SLC24A4: variants seen among roughly 807,000 people sequenced by gnomAD.
SLC24A4 encodes the protein sodium/potassium/calcium exchanger 4.
Under a neutral mutation model 79.0 loss-of-function variants are expected in SLC24A4, and 53 were observed. The ratio of observed to expected loss-of-function variants is 0.67; its 90% confidence interval spans 0.54 to 0.84. The LOEUF is 0.84. SLC24A4 is among the 40% of genes least tolerant of loss of function. The pLI, the probability that SLC24A4 is intolerant of heterozygous loss-of-function variation, is 0.00. For synonymous variants in SLC24A4, 323 were observed against 323.8 expected (o/e 1.00, Z 0.03); for missense variants, 731 against 822.0 (o/e 0.89, Z 1.35).
At chr14:92,401,691 G>T (rs1890120854) in intron 2 of SLC24A4, among the ~76,000 whole-genome samples, 1 of 152,164 alleles carries the variant, frequency 6.6e-6, no homozygotes, top group African/African-American at 2.4e-5. Context: ...CTTCACATGT[G>T]ACCTTGGGCG....
intron 2 of SLC24A4, among the ~76,000 whole-genome samples, chr14:92,328,515 C>G (rs747842813): frequency 2.6e-5 from 4 of 152,216 alleles, no homozygotes; most frequent in Non-Finnish European, 5.9e-5. Context: ...GTTGCCATGA[C>G]AGAACTGGGT....
chr14:92,372,073 G>C (rs1373474179), intron 2 of SLC24A4, among the ~76,000 whole-genome samples: 1 of 152,248 alleles, frequency 6.6e-6, no homozygotes, highest in African/African-American at 2.4e-5. Flanking sequence ...CACAGGTGAT[G>C]ATGTGATTCC....
chr14:92,324,978 T>C (rs527925417), intron 1 of SLC24A4, among the ~76,000 whole-genome samples: 1 of 152,344 alleles, frequency 6.6e-6, no homozygotes, highest in East Asian at 1.9e-4. Context: ...GATTTGAGGA[T>C]GCAGGGTTAA....
chr14:92,417,672 C>T (rs1325705457), intron 2 of SLC24A4, among the ~76,000 whole-genome samples: 1 of 152,232 alleles, frequency 6.6e-6, no homozygotes, highest in Non-Finnish European at 1.5e-5. Flanking sequence ...GTGGTAAGTG[C>T]CCTAAACAAG....
chr14:92,457,926 G>C (rs59330515), intron 12 of SLC24A4, among the ~76,000 whole-genome samples: 2 of 152,156 alleles, frequency 1.3e-5, no homozygotes, highest in African/African-American at 4.8e-5. Context: ...ACCTGCCTGC[G>C]GTAGGTGGCG....
At chr14:92,383,194 A>T (rs145936223) in intron 2 of SLC24A4, among the ~76,000 whole-genome samples, 33 of 151,988 alleles carry the variant, frequency 2.2e-4, no homozygotes, top group Non-Finnish European at 4.1e-4. Flanking sequence ...CATGGCAGAG[A>T]AGGAGACCTG....
intron 4 of SLC24A4, 65 bp downstream of exon 4, chr14:92,439,474 G>T: frequency 7.1e-7 from 1 of 1,410,724 alleles, no homozygotes; most frequent in Non-Finnish European, 1.0e-6. Context: ...TAAATGCCAA[G>T]CCAAGAAGGC....
intron 13 of SLC24A4, chr14:92,484,134 C>T: frequency 2.0e-6 from 2 of 985,392 alleles, no homozygotes; most frequent in South Asian, 9.4e-5. Context: ...AGGCACTTGG[C>T]CAATCCTGTC....
At chr14:92,414,694 C>T (rs565567797) in intron 2 of SLC24A4, among the ~76,000 whole-genome samples, 3 of 152,266 alleles carry the variant, frequency 2.0e-5, no homozygotes, top group Admixed American at 6.5e-5. Flanking sequence ...GAGCTGTGAT[C>T]GCACCACCAC....
At chr14:92,492,978 A>G (rs1025088747) in intron 16 of SLC24A4, 38 of 332,974 alleles carry the variant, frequency 1.1e-4, no homozygotes, top group Middle Eastern at 1.0e-3. Flanking sequence ...ACACACACAC[A>G]CACACACACA....
intron 2 of SLC24A4, among the ~76,000 whole-genome samples, chr14:92,430,791 AG>A (rs1364865010): frequency 1.3e-5 from 2 of 152,202 alleles, no homozygotes; most frequent in East Asian, 3.8e-4. Flanking sequence ...CTCCACCTGC[AG>A]ATACATCTCT....
chr14:92,412,685 G>A (rs925645690), intron 2 of SLC24A4, among the ~76,000 whole-genome samples: 1 of 152,032 alleles, frequency 6.6e-6, no homozygotes, highest in Non-Finnish European at 1.5e-5. Context: ...TCAGGGGGCC[G>A]CAGCATCTCT....
chr14:92,434,049 G>T, intron 3 of SLC24A4, 61 bp downstream of exon 3: 1 of 1,287,810 alleles, frequency 7.8e-7, no homozygotes, highest in Non-Finnish European at 1.1e-6. Flanking sequence ...TCTGCACAGC[G>T]GGGCAGAGCC....
At position 92,481,327 on chromosome 14, in the gene SLC24A4, T is replaced by C. The variant is rs142666013; in HGVS notation, c.1256-1353T>C. On this transcript the variant is annotated intron_variant, in intron 12 of 16. Coordinates refer to ENST00000532405, the MANE Select transcript of SLC24A4 (RefSeq NM_153646.4). ...CCTTTTATGCTTTTTGGTTAACCTA[T>C]TGTTTGTCCCAGCTGTCATCTGCCA... 8.3e-3 allele frequency among the ~76,000 whole-genome samples: 1,268 copies of C among 152,354 alleles called. 16 individuals are homozygous for C. The highest frequency in any genetic ancestry group is 0.029 in the African/African-American group (1,205 of 41,570).
At chr14:92,483,062 G>A (rs1193612056) in intron 13 of SLC24A4, among the ~76,000 whole-genome samples, 1 of 152,162 alleles carries the variant, frequency 6.6e-6, no homozygotes, top group Non-Finnish European at 1.5e-5. Context: ...GCCTGCCTTC[G>A]AGTGTGAGGG....
intron 2 of SLC24A4, among the ~76,000 whole-genome samples, chr14:92,400,253 A>G (rs1213587279): frequency 6.6e-6 from 1 of 152,116 alleles, no homozygotes; most frequent in Non-Finnish European, 1.5e-5. Flanking sequence ...ATCCAGGCCA[A>G]CATGGTGAAA....
At chr14:92,360,159 T>C (rs1328617165) in intron 2 of SLC24A4, among the ~76,000 whole-genome samples, 1 of 152,242 alleles carries the variant, frequency 6.6e-6, no homozygotes, top group African/African-American at 2.4e-5. Context: ...CTTGACCTCA[T>C]AATCTGCCCA....
intron 2 of SLC24A4, among the ~76,000 whole-genome samples, chr14:92,367,729 C>T (rs1008640564): frequency 6.6e-6 from 1 of 152,196 alleles, no homozygotes; most frequent in African/African-American, 2.4e-5. Flanking sequence ...TATGCCGTAA[C>T]GACTCCAAAC....
intron 12 of SLC24A4, among the ~76,000 whole-genome samples, chr14:92,461,089 G>A (rs551597720): frequency 7.2e-5 from 11 of 152,298 alleles, no homozygotes; most frequent in South Asian, 6.2e-4. Context: ...ACCCTGAGCC[G>A]CAGCCCAGCT....
Sources: allele counts gnomAD v4.1 joint callset (sites outside exome capture counted in the v4.1 genomes callset), GRCh38; gene constraint gnomAD v4.1.1; transcripts MANE v1.5; gene names NCBI Gene and HGNC (gene_info 2026-07-23, HGNC 2026-07-21).